The following NFIA variants were observed in gnomAD, a reference collection of about 807,000 sequenced individuals.
NFIA encodes the protein nuclear factor 1 A-type.
In NFIA, 8 loss-of-function variants were observed where a neutral mutation model predicts 62.8. The ratio of observed to expected loss-of-function variants is 0.13; its 90% CI spans 0.07 to 0.23. The LOEUF (loss-of-function observed/expected upper bound fraction) is 0.23, where lower values mean the gene tolerates loss of function less well. Ranked by LOEUF, NFIA falls within the 10% of genes least tolerant of loss-of-function variation. The pLI, the probability that NFIA is intolerant of heterozygous loss-of-function variation, is 1.00. For missense variants in NFIA, 410 were observed against 642.1 expected (o/e 0.64, Z 3.91); for synonymous variants, 235 against 238.1 (o/e 0.99, Z 0.12).
At chr1:61,389,527 A>G (rs1664863010) in intron 7 of NFIA, among the ~76,000 whole-genome samples, 1 of 152,188 alleles carries the variant, frequency 6.6e-6, no homozygotes, top group South Asian at 2.1e-4. Context: ...CAGATGAGAA[A>G]TCTGAGCTAG....
intron 2 of NFIA, among the ~76,000 whole-genome samples, chr1:61,212,519 GT>G (rs1293659304): frequency 6.6e-6 from 1 of 152,078 alleles, no homozygotes; most frequent in East Asian, 1.9e-4. Context: ...AATTTATAAA[GT>G]TTTCTATCAT....
chr1:61,333,008 A>G (rs915556559), intron 4 of NFIA, among the ~76,000 whole-genome samples: 3 of 151,306 alleles, frequency 2.0e-5, no homozygotes, highest in Non-Finnish European at 2.9e-5. Context: ...GGCCCATTCA[A>G]TTGATTGTAG....
At chr1:61,403,695 A>G (rs188037121) in intron 7 of NFIA, among the ~76,000 whole-genome samples, 1 of 152,350 alleles carries the variant, frequency 6.6e-6, no homozygotes, top group Non-Finnish European at 1.5e-5. Context: ...TTGTCTATGG[A>G]TAGCTCAGCG....
intron 2 of NFIA, among the ~76,000 whole-genome samples, chr1:61,250,761 C>T (rs999120928): frequency 2.4e-4 from 37 of 152,204 alleles, no homozygotes; most frequent in Middle Eastern, 3.4e-3. Flanking sequence ...AAAATCATAG[C>T]TCGAGTTTTT....
chr1:61,406,543 GCCCC>G lies in NFIA; in HGVS notation c.1255-8_1255-5del, dbSNP rs58081092. On this transcript the variant is annotated splice_polypyrimidine_tract_variant and intron_variant, in intron 8 of 10. Coordinates refer to ENST00000403491, the MANE Select transcript of NFIA (RefSeq NM_001134673.4). ...TCTTTTTCTTGTACGTGTGTTTTCT[GCCCC>G]CCCCCCCCCCACAGCCCAATGGGAG... 899 of 875,344 alleles carry G rather than the reference GCCCC, an allele frequency of 1.0e-3. 1 individual carries two copies. The highest frequency in any genetic ancestry group is 1.3e-3 in the South Asian group (62 of 49,110). 54.2% of individuals were successfully genotyped at this position (875,344 alleles called of 1,614,324 possible). A position where few individuals can be genotyped will look rare whatever the true frequency, so the allele number is the denominator to read the frequency against.
chr1:61,422,943 C>G (rs2024790), intron 9 of NFIA, among the ~76,000 whole-genome samples: 1 of 151,786 alleles, frequency 6.6e-6, no homozygotes, highest in Admixed American at 6.6e-5. Context: ...GAGGCAGGAC[C>G]GGTATTGTCT....
intron 5 of NFIA, 97 bp downstream of exon 5, chr1:61,352,664 G>A: frequency 1.0e-6 from 1 of 959,556 alleles, no homozygotes; most frequent in Non-Finnish European, 1.7e-6. Context: ...TGCGCCTTTA[G>A]TAATAGAAGA....
At chr1:61,240,226 G>A (rs74090351) in intron 2 of NFIA, among the ~76,000 whole-genome samples, 8,401 of 152,160 alleles carry the variant, frequency 0.055, 256 homozygotes, top group Non-Finnish European at 0.064. Context: ...AAGCACTGCA[G>A]TAGTGGAAAC....
chr1:61,175,167 G>T (rs1170247556), intron 2 of NFIA, among the ~76,000 whole-genome samples: 1 of 151,350 alleles, frequency 6.6e-6, no homozygotes, highest in Non-Finnish European at 1.5e-5. Flanking sequence ...TTTGAGACAG[G>T]ATCTCACTCT....
At chr1:61,099,434 C>T (rs565143075) in intron 2 of NFIA, among the ~76,000 whole-genome samples, 3 of 152,240 alleles carry the variant, frequency 2.0e-5, no homozygotes, top group East Asian at 3.9e-4. Context: ...ATAGAGCATT[C>T]GATTACCAAC....
At chr1:61,424,077 T>C (rs1218400308) in intron 9 of NFIA, among the ~76,000 whole-genome samples, 1 of 152,146 alleles carries the variant, frequency 6.6e-6, no homozygotes, top group Non-Finnish European at 1.5e-5. Context: ...ATCAAATTTC[T>C]AGAAGCTCTG....
intron 4 of NFIA, among the ~76,000 whole-genome samples, chr1:61,338,065 G>A (rs150882070): frequency 4.1e-4 from 62 of 152,262 alleles, no homozygotes; most frequent in African/African-American, 1.4e-3. Flanking sequence ...ATTTTCTAGC[G>A]GCGGTTTGTA....
intron 4 of NFIA, among the ~76,000 whole-genome samples, chr1:61,351,670 A>G (rs1662555790): frequency 1.3e-5 from 2 of 152,252 alleles, no homozygotes; most frequent in Admixed American, 6.5e-5. Context: ...GCAAGGAATC[A>G]GTCTCACACA....
intron 4 of NFIA, among the ~76,000 whole-genome samples, chr1:61,347,010 T>C (rs541945490): frequency 1.6e-4 from 25 of 152,102 alleles, no homozygotes; most frequent in Admixed American, 1.1e-3. Flanking sequence ...GATTCAGTTA[T>C]CTCCACCTGG....
intron 2 of NFIA, among the ~76,000 whole-genome samples, chr1:61,196,980 T>A (rs1378473774): frequency 6.6e-6 from 1 of 152,106 alleles, no homozygotes; most frequent in Non-Finnish European, 1.5e-5. Flanking sequence ...TATGTATTTG[T>A]GTTTAATTAA....
chr1:61,119,173 T>G (rs1646844322), intron 2 of NFIA, among the ~76,000 whole-genome samples: 1 of 152,182 alleles, frequency 6.6e-6, no homozygotes, highest in Non-Finnish European at 1.5e-5. Context: ...CACGTATAAT[T>G]GGTAATTTTA....
intron 2 of NFIA, among the ~76,000 whole-genome samples, chr1:61,125,476 A>C (rs1288092106): frequency 6.6e-6 from 1 of 152,234 alleles, no homozygotes; most frequent in Non-Finnish European, 1.5e-5. Context: ...TAGGAACGAC[A>C]AGGCTATCTG....
intron 2 of NFIA, among the ~76,000 whole-genome samples, chr1:61,203,147 T>A (rs1230368520): frequency 1.3e-5 from 2 of 152,164 alleles, no homozygotes; most frequent in South Asian, 4.1e-4. Flanking sequence ...CCAAATGTGT[T>A]TTTTATTCCG....
chr1:61,351,032 C>T, intron 4 of NFIA, among the ~76,000 whole-genome samples: 1 of 152,198 alleles, frequency 6.6e-6, no homozygotes, highest in East Asian at 1.9e-4. Flanking sequence ...AGAAGTCATA[C>T]TTCAAGTAGC....
Sources: gnomAD v4.1 joint callset for allele counts (sites outside exome capture counted in the v4.1 genomes callset) on GRCh38, gnomAD v4.1.1 for gene constraint, MANE v1.5 for transcripts, NCBI Gene and HGNC (gene_info 2026-07-23, HGNC 2026-07-21) for gene names.